Variants in PRELID2 observed in about 807,000 individuals in gnomAD.
PRELID2 encodes PRELI domain containing 2, also known as PRELI domain-containing protein 2.
A neutral mutation model predicts 28.4 loss-of-function variants in PRELID2; 25 were observed. The ratio of observed to expected loss-of-function variants is 0.88; its 90% CI spans 0.64 to 1.23. The LOEUF (loss-of-function observed/expected upper bound fraction) is 1.23. Among genes scored for constraint, PRELID2 ranks in the 50% most tolerant of loss-of-function variants. The pLI is 0.00. For missense variants in PRELID2, 201 were observed against 214.4 expected, an observed-to-expected ratio of 0.94 and a Z score of 0.39; for synonymous variants, 76 against 71.6, an observed-to-expected ratio of 1.06 and a Z score of -0.31.
the PRELID2 span, among the ~76,000 whole-genome samples, chr5:145,391,280 C>T: frequency 6.6e-6 from 1 of 152,214 alleles, no homozygotes; most frequent in Non-Finnish European, 1.5e-5. Flanking sequence ...ATGGAGGTTC[C>T]CAAACCTCAA....
In PRELID2 at chr5:145,835,212, G is replaced by A. The variant is rs373980375; in HGVS notation, c.40C>T (p.Pro14Ser). Residue 14 changes from proline (P) to serine (S), a missense_variant, in exon 1 of 7, where the codon CCC (proline) becomes TCC (serine). Pro to Ser is a moderately conservative substitution (Grantham distance 74, BLOSUM62 -1). Coordinates refer to ENST00000683046, the MANE Select transcript of PRELID2 (RefSeq NM_205846.3). ...SVDVHQVYKY[P>S]FEQVVASFLR... ...AAGCTGGCGACCACCTGCTCGAAGG[G>A]GTACTTGTACACCTGGTGCACATCC... 1 of 1,550,162 alleles carries A rather than the reference G, an allele frequency of 6.5e-7. No homozygotes were observed. The highest frequency in any genetic ancestry group is 8.7e-7 in the Non-Finnish European group (1 of 1,146,224).
the PRELID2 span, among the ~76,000 whole-genome samples, chr5:145,237,112 C>T: frequency 6.6e-6 from 1 of 152,132 alleles, no homozygotes; most frequent in African/African-American, 2.4e-5. Context: ...ATAAAAACTG[C>T]ATGTCCCAAA....
the PRELID2 span, among the ~76,000 whole-genome samples, chr5:145,335,247 T>G: frequency 2.0e-5 from 3 of 151,950 alleles, no homozygotes; most frequent in African/African-American, 4.8e-5. Flanking sequence ...TTGAGTCTGA[T>G]GTTGAAGCTT....
At chr5:145,624,393 C>A (rs374927496) in intron 1 of PRELID2, among the ~76,000 whole-genome samples, 16 of 152,308 alleles carry the variant, frequency 1.1e-4, no homozygotes, top group African/African-American at 3.8e-4. Context: ...CTTGGTCTTT[C>A]TGGCAAGCAG....
chr5:145,600,434 A>AAAAAATATATATATATATATATATAT (rs1315631607), intron 1 of PRELID2, among the ~76,000 whole-genome samples: 3 of 120,116 alleles, frequency 2.5e-5, no homozygotes, highest in African/African-American at 1.2e-4. Context: ...AAAAAAAAAA[A>AAAAAATATATATATATATATATATAT]ATATATATAT....
chr5:145,413,717 C>T, the PRELID2 span, among the ~76,000 whole-genome samples: 1 of 151,814 alleles, frequency 6.6e-6, no homozygotes, highest in South Asian at 2.1e-4. Flanking sequence ...TTCCCTCAGA[C>T]CCTGGTAATC....
the PRELID2 span, among the ~76,000 whole-genome samples, chr5:145,337,641 C>G: frequency 7.1e-6 from 1 of 141,814 alleles, no homozygotes; most frequent in South Asian, 2.2e-4. Context: ...AAGGCTATTT[C>G]AAAGGATACA....
At chr5:145,410,496 T>C in the PRELID2 span, among the ~76,000 whole-genome samples, 1 of 152,208 alleles carries the variant, frequency 6.6e-6, no homozygotes, top group East Asian at 1.9e-4. Flanking sequence ...TGACTTACTG[T>C]TCTGCATGGT....
At chr5:145,652,023 G>A (rs1051209494) in intron 1 of PRELID2, among the ~76,000 whole-genome samples, 4 of 152,102 alleles carry the variant, frequency 2.6e-5, no homozygotes, top group Non-Finnish European at 4.4e-5. Flanking sequence ...TTAGACAGAT[G>A]GCTAACCAAA....
At chr5:145,282,184 C>T in the PRELID2 span, among the ~76,000 whole-genome samples, 3 of 152,136 alleles carry the variant, frequency 2.0e-5, no homozygotes, top group African/African-American at 7.2e-5. Context: ...AATAATAATA[C>T]TCATTTTTAT....
chr5:145,408,518 G>A, the PRELID2 span, among the ~76,000 whole-genome samples: 2 of 147,768 alleles, frequency 1.4e-5, no homozygotes, highest in African/African-American at 4.9e-5. Flanking sequence ...TAGATAAATA[G>A]ATATATTAAA....
chr5:145,615,049 T>C (rs770464935), intron 1 of PRELID2, among the ~76,000 whole-genome samples: 12 of 152,176 alleles, frequency 7.9e-5, no homozygotes, highest in Non-Finnish European at 1.6e-4. Flanking sequence ...TTTCATTTCT[T>C]AGGTCTATTA....
chr5:145,835,100 C>A (rs1755848716), intron 1 of PRELID2, 77 bp downstream of exon 1: 4 of 1,017,402 alleles, frequency 3.9e-6, no homozygotes, highest in Non-Finnish European at 5.9e-6. Context: ...TGCCAGCTTC[C>A]GCGTGGATGA....
At chr5:145,447,487 ATACTTT>A in the PRELID2 span, among the ~76,000 whole-genome samples, 5 of 89,122 alleles carry the variant, frequency 5.6e-5, no homozygotes, top group African/African-American at 2.0e-4. Context: ...TTTTTTTATT[ATACTTT>A]AAGTTTTAGG....
In PRELID2 at chr5:145,765,137, C is replaced by T. The variant is rs948261784; in HGVS notation, c.475-137G>A. 8.3e-6 allele frequency: 5 copies of T among 602,996 alleles called. No individual in the cohort carries two copies. The Admixed American group carries it at 1.4e-4, about 16-fold the overall frequency. The allele number at this position is 602,996 out of a possible 1,614,324, so 37.4% of individuals were successfully genotyped here. ...TCAACAAAGTAGGCTCATAGCCATACCTGACATTTTTTTAATATTTTACTC... is the reference window on the plus strand; with the variant it reads ...TCAACAAAGTAGGCTCATAGCCATATCTGACATTTTTTTAATATTTTACTC... On this transcript the variant is annotated intron_variant, in intron 5 of 6. Transcript: ENST00000683046.
the PRELID2 span, among the ~76,000 whole-genome samples, chr5:145,380,860 G>A: frequency 1.3e-5 from 2 of 152,142 alleles, no homozygotes; most frequent in Admixed American, 1.3e-4. Flanking sequence ...GTCTTGATAA[G>A]TGTTATATAA....
At chr5:145,689,406 C>T (rs1286222718) in intron 1 of PRELID2, among the ~76,000 whole-genome samples, 3 of 152,158 alleles carry the variant, frequency 2.0e-5, no homozygotes, top group Non-Finnish European at 4.4e-5. Context: ...GGAACAAGGC[C>T]CTGTTCCTCC....
At chr5:145,297,999 T>G in the PRELID2 span, among the ~76,000 whole-genome samples, 8 of 152,062 alleles carry the variant, frequency 5.3e-5, no homozygotes, top group African/African-American at 7.2e-5. Context: ...AACATTCCAT[T>G]CTCATGGGTA....
the PRELID2 span, among the ~76,000 whole-genome samples, chr5:145,360,825 A>T: frequency 1.3e-5 from 2 of 152,158 alleles, no homozygotes; most frequent in Non-Finnish European, 2.9e-5. Context: ...CTATTATAAT[A>T]ATTTTGTTTC....
Sources: gnomAD v4.1 joint callset for allele counts (sites outside exome capture counted in the v4.1 genomes callset) on GRCh38, gnomAD v4.1.1 for gene constraint, MANE v1.5 for transcripts, NCBI Gene and HGNC (gene_info 2026-07-23, HGNC 2026-07-21) for gene names.